ZC3H12B: variants seen among roughly 807,000 people sequenced by gnomAD.
The protein encoded by ZC3H12B is probable ribonuclease ZC3H12B.
Under a neutral mutation model 43.9 loss-of-function variants are expected in ZC3H12B, and 7 were observed. The observed-to-expected ratio is 0.16, with a 90% CI of 0.09 to 0.30. ZC3H12B has a LOEUF of 0.30. Among genes scored for constraint, ZC3H12B ranks in the 10% least tolerant of loss-of-function variants. The pLI is 1.00. For missense variants in ZC3H12B, 475 were observed against 670.2 expected (o/e 0.71, Z 3.22); for synonymous variants, 222 against 241.7 (o/e 0.92, Z 0.76).
the ZC3H12B span, among the ~76,000 whole-genome samples, chrX:65,353,845 C>T: frequency 2.2e-4 from 25 of 111,501 alleles, no homozygotes; most frequent in Admixed American, 2.3e-3. Context: ...ACAAAGTCAC[C>T]GGGAAGTTCA....
At chrX:65,384,897 A>G (rs2148016695) in intron 2 of ZC3H12B, among the ~76,000 whole-genome samples, 1 of 112,471 alleles carries the variant, frequency 8.9e-6, no homozygotes, top group African/African-American at 3.2e-5. Flanking sequence ...ACCATTTGTT[A>G]AATAGGGAAT....
the ZC3H12B span, among the ~76,000 whole-genome samples, chrX:65,333,112 T>C: frequency 1.0e-3 from 116 of 111,429 alleles, no homozygotes; most frequent in Admixed American, 5.9e-3. Context: ...AACTTGGGGC[T>C]CCTGGGCCTG....
chrX:65,220,427 C>A, the ZC3H12B span, among the ~76,000 whole-genome samples: 2 of 111,772 alleles, frequency 1.8e-5, no homozygotes, highest in Non-Finnish European at 3.8e-5. Flanking sequence ...TGGATAAGAA[C>A]CCACAAACCA....
chrX:65,276,452 G>A, the ZC3H12B span, among the ~76,000 whole-genome samples: 1 of 110,979 alleles, frequency 9.0e-6, no homozygotes, highest in Non-Finnish European at 1.9e-5. Flanking sequence ...CAAGAGAAAA[G>A]CATCAAGTCA....
At chrX:65,316,200 A>G in the ZC3H12B span, among the ~76,000 whole-genome samples, 32 of 112,111 alleles carry the variant, frequency 2.9e-4, no homozygotes, top group Non-Finnish European at 3.8e-4. Flanking sequence ...AAGCTACAAC[A>G]TATCAGCATT....
chrX:65,156,402 A>G, the ZC3H12B span, among the ~76,000 whole-genome samples: 1 of 111,449 alleles, frequency 9.0e-6, no homozygotes, highest in Non-Finnish European at 1.9e-5. Context: ...TGTTTTGGAG[A>G]CAGAGTCTTG....
chrX:65,468,784 A>G lies in ZC3H12B; in HGVS notation n.408-19862A>G, dbSNP rs542263342. On this transcript the variant is annotated intron_variant and non_coding_transcript_variant, in intron 3 of 5. Coordinates refer to the ZC3H12B transcript ENST00000617377. ...ATTGTTTTTTCTAATTCTGTGAAAA[A>G]CGATGTTGGTATTTTTTGATAGGAA... 1.9e-4 allele frequency among the ~76,000 whole-genome samples: 21 copies of G among 108,388 alleles called. No homozygotes were observed. In the South Asian group the frequency reaches 8.6e-3, roughly 44 times the overall value. 94.1% of individuals were successfully genotyped at this position (108,388 alleles called of 115,157 possible).
the ZC3H12B span, among the ~76,000 whole-genome samples, chrX:65,307,611 G>A: frequency 3.6e-5 from 4 of 111,103 alleles, no homozygotes; most frequent in Admixed American, 2.9e-4. Flanking sequence ...AATGATCCTG[G>A]GGAAAAAAAT....
At chrX:65,150,850 G>A in the ZC3H12B span, among the ~76,000 whole-genome samples, 1 of 110,221 alleles carries the variant, frequency 9.1e-6, no homozygotes, top group Non-Finnish European at 1.9e-5. Flanking sequence ...CTGTCTTTTG[G>A]CATTCTAGTC....
intron 3 of ZC3H12B, among the ~76,000 whole-genome samples, chrX:65,444,015 T>C (rs1301566533): frequency 8.9e-6 from 1 of 112,541 alleles, no homozygotes; most frequent in African/African-American, 3.2e-5. Flanking sequence ...ATGTTATTAT[T>C]GATAATTGAG....
chrX:65,398,382 A>G lies in ZC3H12B; in HGVS notation n.296-211A>G, dbSNP rs763114086. On this transcript the variant is annotated intron_variant and non_coding_transcript_variant, in intron 2 of 5. Coordinates refer to the ZC3H12B transcript ENST00000617377. ...TGATTCCATATTATACTACAGAACTATAGTGATATGGTTTGGCTGTGTCCC... is the reference window on the plus strand; with the variant it reads ...TGATTCCATATTATACTACAGAACTGTAGTGATATGGTTTGGCTGTGTCCC... 1.4e-3 allele frequency among the ~76,000 whole-genome samples: 156 copies of G among 112,189 alleles called. 1 individual carries two copies. Among genetic ancestry groups the G allele is most frequent in the African/African-American group, 4.9e-3 (153 of 30,985 alleles).
the ZC3H12B span, among the ~76,000 whole-genome samples, chrX:65,154,686 C>A: frequency 3.6e-5 from 4 of 110,867 alleles, no homozygotes; most frequent in Non-Finnish European, 7.5e-5. Flanking sequence ...CCCATCTCTA[C>A]AAAAATAAAA....
At chrX:65,255,024 AAAG>A in the ZC3H12B span, among the ~76,000 whole-genome samples, 1 of 111,672 alleles carries the variant, frequency 9.0e-6, no homozygotes, top group Admixed American at 9.5e-5. Context: ...AAAAATAAAT[AAAG>A]AAGAATAATA....
chrX:65,470,992 A>G (rs995660501), intron 3 of ZC3H12B, among the ~76,000 whole-genome samples: 1 of 111,742 alleles, frequency 8.9e-6, no homozygotes, highest in Non-Finnish European at 1.9e-5. Context: ...GATGAGAAGA[A>G]TGTATATTCT....
At chrX:65,139,187 C>A in the ZC3H12B span, among the ~76,000 whole-genome samples, 47 of 112,002 alleles carry the variant, frequency 4.2e-4, no homozygotes, top group East Asian at 3.6e-3. Flanking sequence ...AGAAACTAGT[C>A]TTCTATGTTA....
the ZC3H12B span, among the ~76,000 whole-genome samples, chrX:65,319,896 G>A: frequency 9.0e-6 from 1 of 111,489 alleles, no homozygotes; most frequent in African/African-American, 3.3e-5. Flanking sequence ...AAAACCCTCA[G>A]TAAACTAGGC....
chrX:65,057,864 G>A, the ZC3H12B span, among the ~76,000 whole-genome samples: 1 of 111,701 alleles, frequency 9.0e-6, no homozygotes. Flanking sequence ...CTTTCTTCCA[G>A]TTGATCGAAT....
chrX:65,161,278 C>T, the ZC3H12B span, among the ~76,000 whole-genome samples: 4 of 111,217 alleles, frequency 3.6e-5, no homozygotes, highest in Non-Finnish European at 7.5e-5. Context: ...TCTATTAGGT[C>T]CGCTTGGTGC....
chrX:65,246,126 C>T, the ZC3H12B span, among the ~76,000 whole-genome samples: 2 of 110,836 alleles, frequency 1.8e-5, no homozygotes, highest in Non-Finnish European at 3.8e-5. Context: ...CAATAGTCAA[C>T]CCAAGATCCA....
Sources: gnomAD v4.1 joint callset for allele counts (sites outside exome capture counted in the v4.1 genomes callset) on GRCh38, gnomAD v4.1.1 for gene constraint, MANE v1.5 for transcripts, NCBI Gene and HGNC (gene_info 2026-07-23, HGNC 2026-07-21) for gene names.